The following MCM6 variants were observed in gnomAD, a reference collection of about 807,000 sequenced individuals.
MCM6 encodes DNA replication licensing factor MCM6.
In MCM6, 46 loss-of-function variants were observed where a neutral mutation model predicts 94.3. The ratio of observed to expected loss-of-function variants is 0.49; its 90% CI spans 0.39 to 0.62. MCM6 has a LOEUF of 0.62. Ranked by LOEUF, MCM6 falls within the 20% of genes least tolerant of loss-of-function variation. The pLI is 0.00. For missense variants in MCM6, 865 were observed against 1,017.9 expected (o/e 0.85, Z 2.04); for synonymous variants, 335 against 351.9 (o/e 0.95, Z 0.54).
At chr2:135,875,568 T>C (rs537072101) in intron 1 of MCM6, among the ~76,000 whole-genome samples, 2 of 151,548 alleles carry the variant, frequency 1.3e-5, no homozygotes, top group African/African-American at 4.9e-5. Context: ...CCAGGAAAAA[T>C]AACCGGTGGG....
chr2:135,846,908 G>A (rs985265803), intron 14 of MCM6, among the ~76,000 whole-genome samples: 7 of 152,096 alleles, frequency 4.6e-5, no homozygotes, highest in African/African-American at 1.7e-4. Context: ...GAAGCCTGAG[G>A]CAGGAGAATT....
chr2:135,842,605 C>T (rs181365004), intron 16 of MCM6, among the ~76,000 whole-genome samples: 30 of 152,220 alleles, frequency 2.0e-4, no homozygotes, highest in African/African-American at 5.3e-4. Context: ...TTAAACATTA[C>T]GAAGAAATAC....
In MCM6 at chr2:135,857,922, A is replaced by AC; in HGVS notation, c.1444_1445insG (p.Ile482SerfsTer5). The AC allele has an allele frequency of 6.2e-7, 1 of 1,614,022 alleles. No homozygotes were observed. Among genetic ancestry groups the AC allele is most frequent in the East Asian group, 2.2e-5 (1 of 44,890 alleles). ...CTTCACTCCTGCTTTAGTGATGGATATGGTCTGCTGTTCCATAGCTTCATG... is the reference window on the plus strand; with the variant it reads ...CTTCACTCCTGCTTTAGTGATGGATACTGGTCTGCTGTTCCATAGCTTCATG... On this transcript the variant is annotated frameshift_variant, in exon 10 of 17. Coordinates refer to ENST00000264156, the MANE Select transcript of MCM6 (RefSeq NM_005915.6). LOFTEE classifies it high-confidence loss of function.
chr2:135,856,871 C>T lies in MCM6; in HGVS notation c.1483G>A (p.Ala495Thr), dbSNP rs759786957. 84 of 1,613,532 alleles carry T rather than the reference C, an allele frequency of 5.2e-5. No individual in the cohort carries two copies. The highest frequency in any genetic ancestry group is 3.2e-4 in the South Asian group (29 of 91,002). Residue 495 changes from alanine (A) to threonine (T), a missense_variant, in exon 11 of 17, where the codon GCC becomes ACC. Coordinates refer to ENST00000264156, the MANE Select transcript of MCM6 (RefSeq NM_005915.6). ...TKAGVKATLN[A>T]RTSILAAANP... is the part of the protein sequence containing the mutation. Reference sequence around the variant, plus strand: ...GCTGCTGCCAAAATGGACGTCCGGGCGTTCAGAGTAGCCTGACCACAAAAG... The same window carrying T: ...GCTGCTGCCAAAATGGACGTCCGGGTGTTCAGAGTAGCCTGACCACAAAAG...
At chr2:135,870,515 G>A (rs1262876094) in intron 2 of MCM6, among the ~76,000 whole-genome samples, 154 bp from the exon 3 acceptor site, 3 of 152,048 alleles carry the variant, frequency 2.0e-5, no homozygotes, top group Non-Finnish European at 2.9e-5. Flanking sequence ...TCTACTCTAG[G>A]TTTAGGACCC....
intron 3 of MCM6, 100 bp downstream of exon 3, chr2:135,870,151 A>T (rs867547429): frequency 2.6e-6 from 2 of 778,302 alleles, no homozygotes; most frequent in Middle Eastern, 5.6e-4. Context: ...ATAGCCAGCT[A>T]ATAGCAGATC....
intron 9 of MCM6, 70 bp downstream of exon 9, chr2:135,859,231 T>G: frequency 8.0e-7 from 1 of 1,254,820 alleles, no homozygotes; most frequent in African/African-American, 1.5e-5. Flanking sequence ...TAATGGTAAC[T>G]TATAGGCCTT....
Position 135,844,677 on chromosome 2 carries a change from G to A in MCM6, c.2217C>T (p.Asp739=), listed in dbSNP as rs774404951. Reference sequence around the variant, plus strand: ...GCTCGCTCCTCTTTAATGCTGACTCGTCCTCTTCTGCAACAAAAAAACACA... The same window carrying A: ...GCTCGCTCCTCTTTAATGCTGACTCATCCTCTTCTGCAACAAAAAAACACA... ...LHLRKVEEEE[D]ESALKRSELV... Residue 739 remains aspartate, a synonymous_variant, in exon 16 of 17, where the codon GAC becomes GAT. Transcript: ENST00000264156. 25 of 1,551,842 alleles carry A rather than the reference G, an allele frequency of 1.6e-5. No homozygotes were observed. The highest frequency in any genetic ancestry group is 4.7e-5 in the East Asian group (2 of 42,404).
At chr2:135,862,881 A>G (rs957375261) in intron 7 of MCM6, 133 bp from the exon 8 acceptor site, 26 of 830,108 alleles carry the variant, frequency 3.1e-5, no homozygotes, top group Non-Finnish European at 5.6e-6. Flanking sequence ...AAACTGGAGT[A>G]ATAACACCTG....
At chr2:135,859,542 G>C (rs1679949054) in intron 8 of MCM6, 100 bp from the exon 9 acceptor site, 1 of 753,260 alleles carries the variant, frequency 1.3e-6, no homozygotes, top group African/African-American at 1.8e-5. Flanking sequence ...AAGAACATTT[G>C]AGAGCTTAAG....
intron 16 of MCM6, among the ~76,000 whole-genome samples, chr2:135,843,746 A>C (rs1679621722): frequency 6.8e-6 from 1 of 146,846 alleles, no homozygotes; most frequent in African/African-American, 2.7e-5. Flanking sequence ...AAAAAAAAAA[A>C]AACAAAACCA....
rs775116135 is a variant in MCM6 at position 135,859,417 on chromosome 2, C to T, written c.1246G>A (p.Ala416Thr). The change falls in exon 9 of 17, where the codon GCT (alanine) becomes ACT (threonine). Residue 416 changes from alanine (A) to threonine (T), a missense_variant. By Grantham distance (58) the Ala-to-Thr change is moderately conservative. Around this residue, in one of 3 missense-constraint regions of MCM6, gnomAD observed 153 missense variants for 241.5 expected, o/e 0.63. Transcript: ENST00000264156. ...LKHVEEFSPR[A>T]VYTSGKASSA... is the part of the protein sequence containing the mutation. ...GACGCTTTACCACTGGTGTAGACAG[C>T]TCTGGGGCTGAACTCCTCCACGTGC... The T allele has an allele frequency of 6.8e-6, 11 of 1,612,896 alleles. No homozygotes were observed. The highest frequency in any genetic ancestry group is 9.3e-6 in the Non-Finnish European group (11 of 1,179,388).
chr2:135,865,936 T>TA (rs1326231854), intron 6 of MCM6, among the ~76,000 whole-genome samples, 196 bp downstream of exon 6: 1 of 152,088 alleles, frequency 6.6e-6, no homozygotes, highest in African/African-American at 2.4e-5. Context: ...ACCTCATCTC[T>TA]AAAAAAGTTT....
At chr2:135,859,052 G>A (rs1015894605) in intron 9 of MCM6, among the ~76,000 whole-genome samples, 1 of 151,954 alleles carries the variant, frequency 6.6e-6, no homozygotes, top group East Asian at 1.9e-4. Flanking sequence ...CACCATGCCC[G>A]GCTAATTTTT....
In MCM6 at chr2:135,843,736, A is replaced by AAAAAAAAAC. The variant is rs1259803339; in HGVS notation, c.2349+808_2349+809insGTTTTTTTT. On this transcript the variant is annotated intron_variant, in intron 16 of 16. Transcript: ENST00000264156. ...CAAGAGCGAAACTCTGTCTCAAAAA[A>AAAAAAAAAC]AAAAAAAAAAAACAAAACCATTCAG... Among the ~76,000 whole-genome samples the AAAAAAAAAC allele has an allele frequency of 2.7e-5, 4 of 147,308 alleles. No individual in the cohort carries two copies. The East Asian group carries it at 5.9e-4, about 22-fold the overall frequency.
At position 135,846,215 on chromosome 2, in the gene MCM6, A is replaced by G. The variant is rs752342851; in HGVS notation, c.2209+22T>C. 8.7e-6 allele frequency: 14 copies of G among 1,612,452 alleles called. No homozygotes were observed. In the Admixed American group the frequency reaches 2.2e-4, roughly 25 times the overall value. On this transcript the variant is annotated intron_variant, in intron 15 of 16. Coordinates refer to ENST00000264156, the MANE Select transcript of MCM6 (RefSeq NM_005915.6). The stretch of plus-strand genomic sequence containing the variant: ...GCTTACAGAAGTGACCGAGCATGTA[A>G]GCAGTACCAGGTAAGCCTCACCTTC...
Position 135,851,409 on chromosome 2 carries a change from C to T in MCM6, c.1910G>A (p.Cys637Tyr). 1.2e-6 allele frequency: 2 copies of T among 1,612,872 alleles called. No individual in the cohort carries two copies. The highest frequency in any genetic ancestry group is 1.7e-6 in the Non-Finnish European group (2 of 1,179,310). The change falls in exon 13 of 17, where the codon TGT becomes TAT. Residue 637 changes from cysteine to tyrosine, a missense_variant. Transcript: ENST00000264156. ...TCAAAGTGACTCTGATACCTCATCA[C>T]AGCAGTGCATCCGAGCCATAGCTTC... The part of the protein sequence containing the change: ...LSEAMARMHC[C>Y]DEVQPKHVKE...
intron 16 of MCM6, among the ~76,000 whole-genome samples, chr2:135,842,500 G>A (rs1418026983): frequency 6.6e-6 from 1 of 152,160 alleles, no homozygotes; most frequent in Non-Finnish European, 1.5e-5. Context: ...AGGTACCACT[G>A]TAGCTCCGGG....
rs1680299416 is a variant in MCM6 at position 135,876,386 on chromosome 2, T to G, written c.-21A>C. 1.3e-6 allele frequency: 2 copies of G among 1,577,630 alleles called. No homozygotes were observed. The highest frequency in any genetic ancestry group is 1.8e-5 in the Admixed American group (1 of 55,422). On this transcript the variant is annotated 5_prime_UTR_variant, in exon 1 of 17. Coordinates refer to ENST00000264156, the MANE Select transcript of MCM6 (RefSeq NM_005915.6). ...TCCATATTTGCTTAGTGCCGAGGAT[T>G]CGCCTGCGCCACGCTCGACCGCCAC... is the stretch of plus-strand genomic sequence containing the variant.
Sources: gnomAD v4.1 joint callset for allele counts (sites outside exome capture counted in the v4.1 genomes callset) on GRCh38, gnomAD v4.1.1 for gene constraint, gnomAD v4.1.1 regional missense constraint, MANE v1.5 for transcripts, NCBI Gene and HGNC (gene_info 2026-07-23, HGNC 2026-07-21) for gene names.